Variants in GPC6 observed in about 807,000 individuals in gnomAD.
GPC6 encodes the protein glypican-6.
A neutral mutation model predicts 55.2 loss-of-function variants in GPC6; 14 were observed. That is an observed-to-expected ratio of 0.25 (90% CI 0.17 to 0.40). The LOEUF (loss-of-function observed/expected upper bound fraction) is 0.40, where lower values mean the gene tolerates loss of function less well. Among genes scored for constraint, GPC6 ranks in the 10% least tolerant of loss-of-function variants. GPC6 has a pLI of 1.00. For synonymous variants in GPC6, 278 were observed against 259.6 expected, an observed-to-expected ratio of 1.07 and a Z score of -0.68; for missense variants, 641 against 708.5, an observed-to-expected ratio of 0.90 and a Z score of 1.08.
intron 1 of GPC6, among the ~76,000 whole-genome samples, chr13:93,503,425 G>C (rs568094809): frequency 6.6e-6 from 1 of 152,270 alleles, no homozygotes; most frequent in East Asian, 1.9e-4. Context: ...CAATAATCTC[G>C]CTGCAGGGAT....
chr13:94,140,250 A>C (rs543019), intron 4 of GPC6, among the ~76,000 whole-genome samples: 104,446 of 151,978 alleles, frequency 0.69, 37,735 homozygotes, highest in Non-Finnish European at 0.8. Flanking sequence ...CAGGGACTGG[A>C]AGTTCCTCTG....
At chr13:93,551,361 G>A (rs1035728937) in intron 2 of GPC6, among the ~76,000 whole-genome samples, 4 of 150,560 alleles carry the variant, frequency 2.7e-5, no homozygotes, top group Non-Finnish European at 5.9e-5. Context: ...TTATTTTTCC[G>A]TAGTACATCT....
At chr13:94,352,735 C>G (rs963659030) in intron 6 of GPC6, among the ~76,000 whole-genome samples, 4 of 152,148 alleles carry the variant, frequency 2.6e-5, no homozygotes, top group Non-Finnish European at 4.4e-5. Flanking sequence ...ATTGAACTAT[C>G]CTTAATTATT....
At chr13:93,274,039 C>G (rs1049003019) in intron 1 of GPC6, among the ~76,000 whole-genome samples, 4 of 152,004 alleles carry the variant, frequency 2.6e-5, no homozygotes, top group African/African-American at 9.7e-5. Flanking sequence ...AACTCCTGAC[C>G]TCGTGATCCA....
intron 1 of GPC6, among the ~76,000 whole-genome samples, chr13:93,502,577 T>G (rs1445596394): frequency 6.6e-6 from 1 of 152,164 alleles, no homozygotes; most frequent in African/African-American, 2.4e-5. Context: ...ATCAGTGATG[T>G]GAGTAACTGC....
At chr13:93,235,517 A>C (rs1009051685) in intron 1 of GPC6, among the ~76,000 whole-genome samples, 4 of 152,056 alleles carry the variant, frequency 2.6e-5, no homozygotes, top group African/African-American at 9.7e-5. Flanking sequence ...GGGAAGAAGG[A>C]CAGCTAGGAG....
At chr13:93,248,725 G>T (rs1170353962) in intron 1 of GPC6, among the ~76,000 whole-genome samples, 1 of 152,178 alleles carries the variant, frequency 6.6e-6, no homozygotes, top group Admixed American at 6.5e-5. Flanking sequence ...TGCCCAGAAG[G>T]AGGCTCTGCT....
intron 1 of GPC6, among the ~76,000 whole-genome samples, chr13:93,352,418 T>C (rs1034400157): frequency 6.6e-6 from 1 of 152,226 alleles, no homozygotes; most frequent in East Asian, 1.9e-4. Flanking sequence ...ATTTCTTATA[T>C]GAAGTACCTA....
At chr13:94,157,721 T>A (rs1220398323) in intron 4 of GPC6, among the ~76,000 whole-genome samples, 1 of 151,852 alleles carries the variant, frequency 6.6e-6, no homozygotes, top group Non-Finnish European at 1.5e-5. Flanking sequence ...CTTGGGAAGT[T>A]CCCCCTAACA....
At chr13:93,373,077 G>A (rs552906821) in intron 1 of GPC6, among the ~76,000 whole-genome samples, 1 of 152,198 alleles carries the variant, frequency 6.6e-6, no homozygotes, top group Non-Finnish European at 1.5e-5. Flanking sequence ...CCTCTGTGGT[G>A]TATAATAGTA....
chr13:94,364,141 G>C (rs938066594), intron 6 of GPC6, among the ~76,000 whole-genome samples: 1 of 152,010 alleles, frequency 6.6e-6, no homozygotes, highest in African/African-American at 2.4e-5. Context: ...TTGCTTCTTC[G>C]AACAGGATGG....
At chr13:93,381,890 C>T (rs977219790) in intron 1 of GPC6, among the ~76,000 whole-genome samples, 1 of 152,118 alleles carries the variant, frequency 6.6e-6, no homozygotes, top group African/African-American at 2.4e-5. Context: ...ACTTACCAGT[C>T]ATAATTACAG....
intron 2 of GPC6, among the ~76,000 whole-genome samples, chr13:93,590,434 A>T (rs1039355136): frequency 6.6e-6 from 1 of 152,164 alleles, no homozygotes; most frequent in African/African-American, 2.4e-5. Flanking sequence ...AAGAAGTATA[A>T]CTACAAATAA....
intron 1 of GPC6, among the ~76,000 whole-genome samples, chr13:93,410,696 G>C (rs1257375195): frequency 1.3e-5 from 2 of 152,128 alleles, no homozygotes; most frequent in East Asian, 3.9e-4. Context: ...TCATGTGAAA[G>C]AAGAAGAAAA....
At chr13:93,310,447 C>G (rs940282267) in intron 1 of GPC6, among the ~76,000 whole-genome samples, 1 of 152,154 alleles carries the variant, frequency 6.6e-6, no homozygotes, top group Non-Finnish European at 1.5e-5. Context: ...TCAGGAGGCA[C>G]TTTGGAAACA....
intron 1 of GPC6, among the ~76,000 whole-genome samples, chr13:93,363,092 C>CT (rs912961666): frequency 2.4e-5 from 3 of 127,428 alleles, no homozygotes; most frequent in Non-Finnish European, 3.5e-5. Context: ...GGTTTTGTGT[C>CT]TTTTTTTTTC....
At chr13:93,584,708 T>TTTG (rs1491130433) in intron 2 of GPC6, among the ~76,000 whole-genome samples, 1 of 141,494 alleles carries the variant, frequency 7.1e-6, no homozygotes, top group African/African-American at 3.0e-5. Flanking sequence ...TTTTTTTTTT[T>TTTG]GAGACAGGGT....
At chr13:94,262,829 CTT>C (rs770296301) in intron 4 of GPC6, among the ~76,000 whole-genome samples, 2 of 152,164 alleles carry the variant, frequency 1.3e-5, no homozygotes, top group Non-Finnish European at 2.9e-5. Flanking sequence ...AATCACATCT[CTT>C]TTTCATTTCC....
At chr13:93,879,633 C>G (rs891755085) in intron 3 of GPC6, among the ~76,000 whole-genome samples, 16 of 150,466 alleles carry the variant, frequency 1.1e-4, no homozygotes, top group East Asian at 3.9e-4. Context: ...CTAGGCATTA[C>G]CATTCAGGAC....
Sources: allele counts gnomAD v4.1 joint callset (sites outside exome capture counted in the v4.1 genomes callset), GRCh38; gene constraint gnomAD v4.1.1; transcripts MANE v1.5; gene names NCBI Gene and HGNC (gene_info 2026-07-23, HGNC 2026-07-21).